Variants in MACROD2 observed in about 807,000 individuals in gnomAD.
MACROD2 encodes mono-ADP ribosylhydrolase 2, also known as ADP-ribose glycohydrolase MACROD2.
In MACROD2, 36 loss-of-function variants were observed where a neutral mutation model predicts 70.4. That is an observed-to-expected ratio of 0.51 (90% CI 0.39 to 0.68). The LOEUF (loss-of-function observed/expected upper bound fraction) is 0.68, where lower values mean the gene tolerates loss of function less well. Ranked by LOEUF, MACROD2 falls within the 30% of genes least tolerant of loss-of-function variation. MACROD2 has a pLI of 0.00. For missense variants in MACROD2, 496 were observed against 538.4 expected (o/e 0.92, Z 0.78); for synonymous variants, 172 against 178.8 (o/e 0.96, Z 0.30).
chr20:14,067,530 A>G (rs2053779879), intron 2 of MACROD2, among the ~76,000 whole-genome samples: 4 of 152,162 alleles, frequency 2.6e-5, no homozygotes, highest in Admixed American at 2.6e-4. Flanking sequence ...TTGAAGTATA[A>G]TCTTTTGAAC....
intron 8 of MACROD2, among the ~76,000 whole-genome samples, chr20:15,616,555 C>A (rs746759135): frequency 3.9e-5 from 6 of 152,150 alleles, no homozygotes; most frequent in Non-Finnish European, 8.8e-5. Context: ...CTCAGCAGGC[C>A]TGTTACTCTG....
At chr20:15,619,287 CAACTATA>C in intron 8 of MACROD2, among the ~76,000 whole-genome samples, 1 of 152,302 alleles carries the variant, frequency 6.6e-6, no homozygotes, top group South Asian at 2.1e-4. Context: ...TTTAAACTAT[CAACTATA>C]AACTACGTTC....
In MACROD2 at chr20:14,464,662, G is replaced by A. The variant is rs190202913; in HGVS notation, c.272-28817G>A. On this transcript the variant is annotated intron_variant, in intron 3 of 17. Transcript: ENST00000684519. ...TTTTAGATCTTTCCTGCTTTCTCTT[G>A]TGGGCGTTTAGTGCTATAAATTTCC... is the stretch of plus-strand genomic sequence containing the variant. Among the ~76,000 whole-genome samples the A allele has an allele frequency of 5.1e-3, 772 of 152,082 alleles. 27 individuals are homozygous for A. Among genetic ancestry groups the A allele is most frequent in the Admixed American group, 0.045 (687 of 15,274 alleles).
chr20:15,561,172 C>G (rs1023935485), intron 8 of MACROD2, among the ~76,000 whole-genome samples: 1 of 152,212 alleles, frequency 6.6e-6, no homozygotes, highest in African/African-American at 2.4e-5. Context: ...TCACAGCCTT[C>G]ACCTCCTTTG....
intron 6 of MACROD2, among the ~76,000 whole-genome samples, chr20:15,300,870 C>A (rs959264429): frequency 7.2e-5 from 11 of 152,286 alleles, no homozygotes; most frequent in Middle Eastern, 3.4e-3. Flanking sequence ...TCTTTGCTTG[C>A]AAAGCTGGGC....
chr20:15,010,663 G>A (rs2075075597), intron 5 of MACROD2, among the ~76,000 whole-genome samples: 1 of 152,110 alleles, frequency 6.6e-6, no homozygotes, highest in African/African-American at 2.4e-5. Flanking sequence ...ATATCCATTA[G>A]TTCACATACC....
At chr20:15,961,421 T>C (rs1342136203) in intron 12 of MACROD2, among the ~76,000 whole-genome samples, 1 of 152,164 alleles carries the variant, frequency 6.6e-6, no homozygotes. Context: ...GTAGGTTATA[T>C]CTTAGTCCTT....
intron 3 of MACROD2, among the ~76,000 whole-genome samples, chr20:14,371,455 ACT>A (rs1452280777): frequency 6.6e-6 from 1 of 152,138 alleles, no homozygotes; most frequent in Non-Finnish European, 1.5e-5. Context: ...ATGCTATTGC[ACT>A]CTGCGCTGAG....
chr20:15,699,421 G>A (rs1238048464), intron 8 of MACROD2, among the ~76,000 whole-genome samples: 1 of 152,184 alleles, frequency 6.6e-6, no homozygotes, highest in Non-Finnish European at 1.5e-5. Flanking sequence ...GTCCTGTGAT[G>A]TGAACTGTCT....
chr20:14,226,317 T>C (rs1475790595), intron 3 of MACROD2, among the ~76,000 whole-genome samples: 2 of 152,130 alleles, frequency 1.3e-5, no homozygotes, highest in Non-Finnish European at 2.9e-5. Context: ...TTTATAAGGA[T>C]TGAATGCTGG....
At position 15,740,461 on chromosome 20, in the gene MACROD2, C is replaced by T. The variant is rs1043138254; in HGVS notation, c.646-122284C>T. Among the ~76,000 whole-genome samples the T allele has an allele frequency of 6.6e-5, 10 of 152,120 alleles. No individual in the cohort carries two copies. The East Asian group carries it at 1.7e-3, about 26-fold the overall frequency. Reference sequence around the variant, plus strand: ...ACGCTGGGGATGGGAAAGTTAGACTCATAAACAAATGGAAGCCTAGGAAGT... The same window carrying T: ...ACGCTGGGGATGGGAAAGTTAGACTTATAAACAAATGGAAGCCTAGGAAGT... On this transcript the variant is annotated intron_variant, in intron 8 of 17. Transcript: ENST00000684519.
At chr20:15,065,654 CAAAA>C (rs554222351) in intron 5 of MACROD2, among the ~76,000 whole-genome samples, 7 of 94,998 alleles carry the variant, frequency 7.4e-5, no homozygotes, top group Admixed American at 1.1e-4. Flanking sequence ...ACTCCGTCTC[CAAAA>C]AAAAAAAAAA....
chr20:14,519,340 A>G (rs1221798569), intron 4 of MACROD2, among the ~76,000 whole-genome samples: 1 of 152,150 alleles, frequency 6.6e-6, no homozygotes, highest in Non-Finnish European at 1.5e-5. Flanking sequence ...ACTGTAGGGA[A>G]TAAGATCAGA....
rs151180041 is a variant in MACROD2, at chr20:14,061,814, G to A, written c.164-23807G>A. 5.0e-4 allele frequency among the ~76,000 whole-genome samples: 76 copies of A among 152,228 alleles called. 1 individual carries two copies. The highest frequency in any genetic ancestry group is 8.5e-4 in the Admixed American group (13 of 15,296). On this transcript the variant is annotated intron_variant, in intron 2 of 17. Coordinates refer to ENST00000684519, the MANE Select transcript of MACROD2 (RefSeq NM_001351661.2). ...TAAGCTGATAGCTCTTACTTTCTGT[G>A]AATATGTGCATAGTTTACAAAAGTC...
intron 17 of MACROD2, 41 bp downstream of exon 17, chr20:16,044,680 G>C (rs1342849928): frequency 6.4e-7 from 1 of 1,560,996 alleles, no homozygotes; most frequent in Non-Finnish European, 8.8e-7. Context: ...TGATCAACCA[G>C]CCATAAGAAC....
chr20:15,962,383 C>G (rs187252190), intron 12 of MACROD2, among the ~76,000 whole-genome samples: 4 of 152,304 alleles, frequency 2.6e-5, no homozygotes, highest in South Asian at 4.1e-4. Context: ...TGTAAAGTGC[C>G]TGAATTTCCC....
At chr20:14,049,187 A>AC (rs1891525574) in intron 2 of MACROD2, among the ~76,000 whole-genome samples, 2 of 150,882 alleles carry the variant, frequency 1.3e-5, no homozygotes, top group East Asian at 1.9e-4. Flanking sequence ...AAAAAAAAAA[A>AC]AACAAAAAAA....
intron 7 of MACROD2, among the ~76,000 whole-genome samples, chr20:15,491,416 C>T (rs924953712): frequency 2.6e-5 from 4 of 152,142 alleles, no homozygotes; most frequent in African/African-American, 9.7e-5. Flanking sequence ...TGACAGCTGT[C>T]ATGGTTTGAC....
intron 12 of MACROD2, among the ~76,000 whole-genome samples, chr20:15,962,836 C>T (rs2066082545): frequency 6.6e-6 from 1 of 152,188 alleles, no homozygotes; most frequent in South Asian, 2.1e-4. Flanking sequence ...TCTGTGGGCC[C>T]TGTTACCTTT....
Sources: gnomAD v4.1 joint callset for allele counts (sites outside exome capture counted in the v4.1 genomes callset) on GRCh38, gnomAD v4.1.1 for gene constraint, MANE v1.5 for transcripts, NCBI Gene and HGNC (gene_info 2026-07-23, HGNC 2026-07-21) for gene names.